SLC9C2: variants seen among roughly 807,000 people sequenced by gnomAD.
SLC9C2 encodes the protein solute carrier family 9 member C2 (putative).
Under a neutral mutation model 140.2 loss-of-function variants are expected in SLC9C2, and 75 were observed. That is an observed-to-expected ratio of 0.53 (90% confidence interval 0.44 to 0.65). The LOEUF (loss-of-function observed/expected upper bound fraction) is 0.65, where lower values mean the gene tolerates loss of function less well. Ranked by LOEUF, SLC9C2 falls within the 30% of genes least tolerant of loss-of-function variation. The probability of loss-of-function intolerance (pLI) is 0.00; values close to 1 mark genes in which losing one functional copy is unlikely to be tolerated. For synonymous variants in SLC9C2, 375 were observed against 420.9 expected (o/e 0.89, Z 1.34); for missense variants, 1,074 against 1,331.8 (o/e 0.81, Z 3.01).
intron 10 of SLC9C2, among the ~76,000 whole-genome samples, chr1:173,556,881 T>C (rs545707979): frequency 4.0e-5 from 6 of 151,454 alleles, no homozygotes; most frequent in African/African-American, 1.2e-4. Flanking sequence ...TGAGCCAAGA[T>C]TGCACCACTG....
intron 5 of SLC9C2, among the ~76,000 whole-genome samples, chr1:173,584,102 A>G (rs1194256634): frequency 6.6e-6 from 1 of 152,186 alleles, no homozygotes; most frequent in Non-Finnish European, 1.5e-5. Flanking sequence ...AAACAACTCA[A>G]TGTCTATCAG....
intron 24 of SLC9C2, among the ~76,000 whole-genome samples, chr1:173,507,701 G>A (rs771259383): frequency 2.0e-5 from 3 of 152,108 alleles, no homozygotes; most frequent in Non-Finnish European, 4.4e-5. Flanking sequence ...AAACTTGGAC[G>A]CAGACTTGCA....
intron 8 of SLC9C2, among the ~76,000 whole-genome samples, chr1:173,575,567 GTTGT>G (rs551017119): frequency 5.1e-4 from 77 of 152,066 alleles, no homozygotes; most frequent in African/African-American, 1.5e-3. Context: ...TGTTGTTGTT[GTTGT>G]TTGTTTGTTT....
rs760541445 is a variant in SLC9C2 at position 173,503,266 on chromosome 1, C to T, written c.3371G>A (p.Ser1124Asn). Reference sequence around the variant, plus strand: ...CTAATCAAAGTGTCAAGTTTATTACCTCATCTTTTGTCTTCCATTTATATT... The same window carrying T: ...CTAATCAAAGTGTCAAGTTTATTACTTCATCTTTTGTCTTCCATTTATATT... ...GKNINGRQKM[S>N] The change falls in exon 27 of 28, where the codon AGT (serine) becomes AAT (asparagine). Residue 1124 changes from serine (S) to asparagine (N), a missense_variant and splice_region_variant. Transcript: ENST00000367714. 2.5e-6 allele frequency: 4 copies of T among 1,612,310 alleles called. No homozygotes were observed. Among genetic ancestry groups the T allele is most frequent in the Non-Finnish European group, 3.4e-6 (4 of 1,178,766 alleles).
At chr1:173,507,508 G>GCACACACA (rs148480049) in intron 24 of SLC9C2, among the ~76,000 whole-genome samples, 1,914 of 128,166 alleles carry the variant, frequency 0.015, 17 homozygotes, top group Middle Eastern at 0.026. Flanking sequence ...GTTGAATTGT[G>GCACACACA]CACACACACA....
intron 13 of SLC9C2, among the ~76,000 whole-genome samples, chr1:173,538,938 C>A (rs1662174221): frequency 6.6e-6 from 1 of 152,148 alleles, no homozygotes; most frequent in African/African-American, 2.4e-5. Flanking sequence ...ACTCCTTCAA[C>A]CCCAATCCCT....
intron 23 of SLC9C2, among the ~76,000 whole-genome samples, chr1:173,516,197 C>T (rs35088930): frequency 0.19 from 28,394 of 152,144 alleles, 2,709 homozygotes; most frequent in East Asian, 0.31. Flanking sequence ...TGGTCTTTGG[C>T]TCATTTCTAT....
At chr1:173,558,140 C>G (rs780632370) in intron 9 of SLC9C2, among the ~76,000 whole-genome samples, 5 of 151,854 alleles carry the variant, frequency 3.3e-5, no homozygotes, top group African/African-American at 1.2e-4. Context: ...GAAATTTCAG[C>G]GAAAGTGAAA....
intron 9 of SLC9C2, among the ~76,000 whole-genome samples, chr1:173,559,685 T>C (rs778201384): frequency 2.6e-5 from 4 of 152,222 alleles, no homozygotes; most frequent in African/African-American, 4.8e-5. Flanking sequence ...AGGAAAGAAC[T>C]TCAGATTCCT....
Position 173,557,477 on chromosome 1 carries a change from A to G in SLC9C2, c.1078T>C (p.Leu360=). The change falls in exon 10 of 28, where the codon TTG becomes CTG. Residue 360 remains leucine, a synonymous_variant. Coordinates refer to ENST00000367714, the MANE Select transcript of SLC9C2 (RefSeq NM_178527.4). ...LLTILLVSPI[L]MHSNYEYNWR... ...TTATATTCATAATTTGAATGCATCA[A>G]AATAGGGCTCACTAACAAAATAGTA... 1.9e-6 allele frequency: 3 copies of G among 1,613,434 alleles called. No individual in the cohort carries two copies. In the South Asian group the frequency reaches 3.3e-5, roughly 18 times the overall value.
chr1:173,514,511 A>T (rs968961660), intron 23 of SLC9C2, among the ~76,000 whole-genome samples: 4 of 151,492 alleles, frequency 2.6e-5, no homozygotes, highest in African/African-American at 7.3e-5. Flanking sequence ...TTGCTTGGTA[A>T]TTTTTCCTCC....
intron 23 of SLC9C2, among the ~76,000 whole-genome samples, chr1:173,517,003 C>T (rs1042139357): frequency 1.3e-5 from 2 of 152,176 alleles, no homozygotes; most frequent in East Asian, 1.9e-4. Context: ...TAATAGCAGC[C>T]ATTCTGACTG....
intron 9 of SLC9C2, among the ~76,000 whole-genome samples, chr1:173,563,167 G>A (rs1664230002): frequency 6.6e-6 from 1 of 151,598 alleles, no homozygotes; most frequent in Admixed American, 6.6e-5. Context: ...TGTCACACGT[G>A]TTTGGAATGA....
At chr1:173,507,932 G>A (rs1167697700) in intron 24 of SLC9C2, among the ~76,000 whole-genome samples, 1 of 152,090 alleles carries the variant, frequency 6.6e-6, no homozygotes, top group Non-Finnish European at 1.5e-5. Flanking sequence ...AACTAACCCA[G>A]GAATTTAGAG....
At chr1:173,596,404 A>G (rs1248245225) in intron 4 of SLC9C2, 2 of 152,140 alleles carry the variant, frequency 1.3e-5, no homozygotes, top group East Asian at 3.8e-4. Context: ...AATGTATGCA[A>G]GTTTCATTGT....
chr1:173,581,683 TAAGA>T (rs1665544980), intron 7 of SLC9C2, among the ~76,000 whole-genome samples, 160 bp downstream of exon 7: 1 of 150,600 alleles, frequency 6.6e-6, no homozygotes, highest in African/African-American at 2.4e-5. Flanking sequence ...AAAAGGATAT[TAAGA>T]AAGACCAGGA....
At chr1:173,533,874 T>A (rs2101995866) in intron 16 of SLC9C2, 77 bp from the exon 17 acceptor site, 1 of 1,415,072 alleles carries the variant, frequency 7.1e-7, no homozygotes, top group Non-Finnish European at 9.4e-7. Flanking sequence ...AATTAACAAC[T>A]AAGTTCTTAA....
chr1:173,521,729 T>C (rs1222374733), intron 21 of SLC9C2, among the ~76,000 whole-genome samples: 1 of 151,452 alleles, frequency 6.6e-6, no homozygotes, highest in African/African-American at 2.4e-5. Flanking sequence ...TGCATATTTA[T>C]GAATGAAAAC....
intron 9 of SLC9C2, among the ~76,000 whole-genome samples, chr1:173,560,150 C>A (rs1448815613): frequency 6.6e-6 from 1 of 152,174 alleles, no homozygotes; most frequent in East Asian, 1.9e-4. Context: ...TTTGGAATTT[C>A]ATCATAAAAT....
Sources: allele counts gnomAD v4.1 joint callset (sites outside exome capture counted in the v4.1 genomes callset), GRCh38; gene constraint gnomAD v4.1.1; transcripts MANE v1.5; gene names NCBI Gene and HGNC (gene_info 2026-07-23, HGNC 2026-07-21).